The following LOXHD1 variants were observed in gnomAD, a reference collection of about 807,000 sequenced individuals.
LOXHD1 encodes lipoxygenase homology PLAT domains 1.
LOXHD1 carries 205 observed loss-of-function variants against 248.2 expected under a neutral mutation model. That is an observed-to-expected ratio of 0.83 (90% CI 0.74 to 0.93). The LOEUF is 0.93. Ranked by LOEUF, LOXHD1 falls within the 40% of genes least tolerant of loss-of-function variation. The pLI is 0.00. For synonymous variants in LOXHD1, 1,113 were observed against 1,162.8 expected (o/e 0.96, Z 0.87); for missense variants, 2,930 against 2,971.6 (o/e 0.99, Z 0.33).
chr18:46,557,325 AC>A, intron 21 of LOXHD1, 30 bp downstream of exon 21: 2 of 1,546,470 alleles, frequency 1.3e-6, no homozygotes, highest in Non-Finnish European at 1.7e-6. Context: ...TCAGAGCAAC[AC>A]CCCTCCCTGC....
intron 2 of LOXHD1, among the ~76,000 whole-genome samples, 162 bp from the exon 3 acceptor site, chr18:46,642,198 A>AGGGGAG (rs1365581627): frequency 1.3e-5 from 2 of 152,238 alleles, no homozygotes; most frequent in Non-Finnish European, 2.9e-5. Flanking sequence ...CATGGTTCCC[A>AGGGGAG]GGGGAGGGCA....
At chr18:46,560,668 T>G in intron 18 of LOXHD1, 123 bp from the exon 19 acceptor site, 1 of 888,048 alleles carries the variant, frequency 1.1e-6, no homozygotes, top group South Asian at 1.8e-5. Context: ...TGGAGAGGGC[T>G]GGGGCCTCTG....
At chr18:46,608,093 G>T (rs9948914) in intron 6 of LOXHD1, among the ~76,000 whole-genome samples, 7 of 149,726 alleles carry the variant, frequency 4.7e-5, no homozygotes, top group African/African-American at 1.7e-4. Flanking sequence ...AGGAAGGAAG[G>T]GCGGGCAGGC....
rs60099172 is a variant in LOXHD1 at position 46,540,654 on chromosome 18, CTTT to C, written c.3913+1119_3913+1121del. 4.7e-3 allele frequency among the ~76,000 whole-genome samples: 433 copies of C among 91,418 alleles called. 1 individual carries two copies. Among genetic ancestry groups the C allele is most frequent in the South Asian group, 7.2e-3 (16 of 2,234 alleles). 60.0% of individuals were successfully genotyped at this position (91,418 alleles called of 152,430 possible). ...AAGTCAAACCATACAAACTCTTTATCTTTTTTTTTTTTTTTTTTTTTTTGGTAT... is the reference window on the plus strand; with the variant it reads ...AAGTCAAACCATACAAACTCTTTATCTTTTTTTTTTTTTTTTTTTTGGTAT... On this transcript the variant is annotated intron_variant, in intron 25 of 40. Transcript: ENST00000642948.
At chr18:46,588,558 T>C (rs2038105818) in intron 12 of LOXHD1, among the ~76,000 whole-genome samples, 2 of 152,194 alleles carry the variant, frequency 1.3e-5, no homozygotes, top group South Asian at 4.1e-4. Flanking sequence ...GGTCTCTCCT[T>C]GTCTGTCAAA....
At chr18:46,562,115 G>A (rs979628530) in intron 18 of LOXHD1, among the ~76,000 whole-genome samples, 5 of 152,242 alleles carry the variant, frequency 3.3e-5, no homozygotes, top group African/African-American at 1.2e-4. Flanking sequence ...TTTAACTGAT[G>A]AGGAAGTGGA....
At chr18:46,573,869 C>T (rs1185965570) in intron 14 of LOXHD1, among the ~76,000 whole-genome samples, 1 of 152,112 alleles carries the variant, frequency 6.6e-6, no homozygotes, top group Non-Finnish European at 1.5e-5. Context: ...GAATCTAGAA[C>T]ATAAGAAAAC....
At chr18:46,610,746 C>A (rs755893204) in intron 6 of LOXHD1, 30 bp downstream of exon 6, 32 of 1,534,426 alleles carry the variant, frequency 2.1e-5, no homozygotes, top group Non-Finnish European at 2.3e-5. Flanking sequence ...TCCAAGGCCA[C>A]AGGGACTGCA....
intron 26 of LOXHD1, 86 bp downstream of exon 26, chr18:46,538,070 G>T: frequency 8.2e-7 from 1 of 1,219,142 alleles, no homozygotes; most frequent in Non-Finnish European, 1.1e-6. Flanking sequence ...AGGATGAAGG[G>T]CATGTGTTCT....
intron 18 of LOXHD1, 24 bp downstream of exon 18, chr18:46,563,040 AC>A: frequency 6.6e-7 from 1 of 1,522,190 alleles, no homozygotes; most frequent in Non-Finnish European, 8.9e-7. Flanking sequence ...TGCTGTTGGC[AC>A]CCCCGCTCCT....
chr18:46,541,732 T>C (rs1275683587), intron 25 of LOXHD1, 44 bp downstream of exon 25: 3 of 1,549,366 alleles, frequency 1.9e-6, no homozygotes, highest in East Asian at 4.9e-5. Context: ...TAGCTGGTGA[T>C]GGGGCCCCAG....
rs1599053450 is a variant in LOXHD1, at chr18:46,618,244, T to C, written c.558A>G (p.Ala186=). 2 of 1,551,532 alleles carry C rather than the reference T, an allele frequency of 1.3e-6. No homozygotes were observed. Among genetic ancestry groups the C allele is most frequent in the Non-Finnish European group, 1.7e-6 (2 of 1,146,838 alleles). The change falls in exon 5 of 41, where the codon GCA becomes GCG. Residue 186 remains alanine, a synonymous_variant. Transcript: ENST00000642948. ...VKVYTGDVIG[A]GTDADVFINI... ...TGATGAAGACATCAGCATCTGTCCC[T>C]GCACCAATTACATCACCAGTGTATA... is the stretch of plus-strand genomic sequence containing the variant.
intron 37 of LOXHD1, among the ~76,000 whole-genome samples, chr18:46,501,301 C>T (rs193107816): frequency 6.6e-6 from 1 of 152,294 alleles, no homozygotes; most frequent in African/African-American, 2.4e-5. Context: ...GCAACACTGC[C>T]TTCTTGTTTC....
chr18:46,504,966 C>T (rs2034467549), intron 37 of LOXHD1, among the ~76,000 whole-genome samples: 1 of 152,124 alleles, frequency 6.6e-6, no homozygotes, highest in Admixed American at 6.5e-5. Flanking sequence ...GGCCCAAAGC[C>T]AGAGAAAATA....
At chr18:46,565,034 C>T (rs1182450662) in intron 17 of LOXHD1, among the ~76,000 whole-genome samples, 5 of 151,988 alleles carry the variant, frequency 3.3e-5, no homozygotes, top group Admixed American at 2.6e-4. Context: ...GAGCCCAAGG[C>T]GGGTGGATCA....
chr18:46,556,248 T>C (rs1484561599), intron 21 of LOXHD1, among the ~76,000 whole-genome samples: 1 of 152,062 alleles, frequency 6.6e-6, no homozygotes, highest in Non-Finnish European at 1.5e-5. Flanking sequence ...CTATCTGGTC[T>C]TTACACAAAA....
chr18:46,605,109 TG>T (rs1222734429), intron 6 of LOXHD1, among the ~76,000 whole-genome samples: 2 of 152,240 alleles, frequency 1.3e-5, no homozygotes, highest in Non-Finnish European at 2.9e-5. Flanking sequence ...AAGACTATAC[TG>T]TAAAAAACAA....
At position 46,657,051 on chromosome 18, in the gene LOXHD1, C is replaced by T; in HGVS notation, c.-18G>A. The T allele has an allele frequency of 6.4e-7, 1 of 1,551,594 alleles. No individual in the cohort carries two copies. The highest frequency in any genetic ancestry group is 8.7e-7 in the Non-Finnish European group (1 of 1,146,908). On this transcript the variant is annotated 5_prime_UTR_variant, in exon 1 of 41. Transcript: ENST00000642948. ...GGCATCATTCTGTCGGCTGCCTTCT[C>T]CCAGCGCTCGCAGGCTCACTGTGCC...
intron 40 of LOXHD1, among the ~76,000 whole-genome samples, chr18:46,479,090 G>A (rs796110268): frequency 5.9e-5 from 9 of 152,152 alleles, no homozygotes; most frequent in African/African-American, 2.2e-4. Flanking sequence ...GTTAATTTTT[G>A]TACCTGGTGT....
Sources: allele counts gnomAD v4.1 joint callset (sites outside exome capture counted in the v4.1 genomes callset), GRCh38; gene constraint gnomAD v4.1.1; transcripts MANE v1.5; gene names NCBI Gene and HGNC (gene_info 2026-07-23, HGNC 2026-07-21).